SHROOM3: variants seen among roughly 807,000 people sequenced by gnomAD.
SHROOM3 encodes protein Shroom3.
SHROOM3 carries 47 observed loss-of-function variants against 138.6 expected under a neutral mutation model. That is an observed-to-expected ratio of 0.34 (90% CI 0.27 to 0.43). SHROOM3 has a LOEUF of 0.43. Ranked by LOEUF, SHROOM3 falls within the 20% of genes least tolerant of loss-of-function variation. SHROOM3 has a pLI of 1.00. For synonymous variants in SHROOM3, 1,062 were observed against 1,063.3 expected (o/e 1.00, Z 0.02); for missense variants, 2,491 against 2,596.5 (o/e 0.96, Z 0.88).
chr4:76,761,300 G>A (rs1721982432), intron 9 of SHROOM3, among the ~76,000 whole-genome samples: 1 of 152,096 alleles, frequency 6.6e-6, no homozygotes. Flanking sequence ...GAAGCATTAT[G>A]TGGCAAAAAG....
chr4:76,492,863 G>A (rs1731882766), intron 1 of SHROOM3, among the ~76,000 whole-genome samples: 1 of 152,156 alleles, frequency 6.6e-6, no homozygotes, highest in African/African-American at 2.4e-5. Context: ...GAAGCCTCTT[G>A]CTAGAGGAGT....
chr4:76,760,932 T>C (rs1482096441), intron 9 of SHROOM3, among the ~76,000 whole-genome samples: 1 of 152,212 alleles, frequency 6.6e-6, no homozygotes, highest in East Asian at 1.9e-4. Flanking sequence ...TTACACAATT[T>C]TTTTGTTATT....
At chr4:76,614,350 G>A (rs944989861) in intron 2 of SHROOM3, among the ~76,000 whole-genome samples, 3 of 152,034 alleles carry the variant, frequency 2.0e-5, no homozygotes, top group South Asian at 2.1e-4. Flanking sequence ...CACTGCGCCC[G>A]GTCCTAAATG....
At chr4:76,678,821 C>T (rs574802065) in intron 2 of SHROOM3, among the ~76,000 whole-genome samples, 6 of 152,046 alleles carry the variant, frequency 3.9e-5, no homozygotes, top group Non-Finnish European at 5.9e-5. Context: ...CCACCATGCC[C>T]GGCTAATTTT....
chr4:76,540,778 G>A (rs1158046350), intron 1 of SHROOM3, among the ~76,000 whole-genome samples: 2 of 152,024 alleles, frequency 1.3e-5, no homozygotes, highest in Non-Finnish European at 2.9e-5. Flanking sequence ...ATTTCTCCCA[G>A]ACCAGGAGTA....
intron 1 of SHROOM3, among the ~76,000 whole-genome samples, chr4:76,471,206 A>G (rs1731363151): frequency 6.6e-6 from 1 of 151,830 alleles, no homozygotes. Flanking sequence ...CTCTGAAGAT[A>G]GCTATTGCTT....
At chr4:76,500,916 C>T (rs1269585577) in intron 1 of SHROOM3, among the ~76,000 whole-genome samples, 1 of 152,150 alleles carries the variant, frequency 6.6e-6, no homozygotes, top group African/African-American at 2.4e-5. Flanking sequence ...AAGAGATCCT[C>T]CCACCTCAGC....
At chr4:76,653,506 A>G (rs555819200) in intron 2 of SHROOM3, among the ~76,000 whole-genome samples, 2 of 151,358 alleles carry the variant, frequency 1.3e-5, no homozygotes, top group Admixed American at 1.3e-4. Flanking sequence ...CATGTGGTAT[A>G]TGCAAAAAGC....
At chr4:76,543,883 G>A (rs1228818934) in intron 1 of SHROOM3, among the ~76,000 whole-genome samples, 2 of 152,216 alleles carry the variant, frequency 1.3e-5, no homozygotes, top group Admixed American at 1.3e-4. Flanking sequence ...CACTGTGTTT[G>A]TTAGCCATTT....
At position 76,741,574 on chromosome 4, in the gene SHROOM3, C is replaced by A; in HGVS notation, c.3401C>A (p.Ala1134Asp). The change falls in exon 5 of 11, where the codon GCC (alanine) becomes GAC (aspartate). Residue 1134 changes from alanine to aspartate, a missense_variant. Transcript: ENST00000296043. The surrounding 1 kb of genome is among the most constrained non-coding windows in gnomAD (Gnocchi z 6.2). ...GCGGCGCTCGAAGGCTCCGGCCTCG[C>A]CTCGGCCTCCAGCTTGAGCTCACTG... ...GPAALEGSGL[A>D]SASSLSSLRE... is the part of the protein sequence containing the mutation. 13 of 1,543,022 alleles carry A rather than the reference C, an allele frequency of 8.4e-6. No homozygotes were observed. The highest frequency in any genetic ancestry group is 8.7e-6 in the Non-Finnish European group (10 of 1,150,520).
At chr4:76,508,920 C>T (rs1732271201) in intron 1 of SHROOM3, among the ~76,000 whole-genome samples, 1 of 152,176 alleles carries the variant, frequency 6.6e-6, no homozygotes, top group Non-Finnish European at 1.5e-5. Flanking sequence ...AAAATGGCAC[C>T]TTGTTGCTTG....
At chr4:76,722,803 G>T (rs559347529) in intron 3 of SHROOM3, among the ~76,000 whole-genome samples, 11 of 151,862 alleles carry the variant, frequency 7.2e-5, no homozygotes, top group African/African-American at 1.9e-4. Context: ...TTCTTTTTTG[G>T]GGGATATGGG....
chr4:76,472,104 G>A (rs141899054), intron 1 of SHROOM3, among the ~76,000 whole-genome samples: 2,481 of 152,224 alleles, frequency 0.016, 35 homozygotes, highest in Middle Eastern at 0.034. Context: ...TGGTGAGCAT[G>A]CAATAAATAA....
chr4:76,500,964 AC>A (rs1310083228), intron 1 of SHROOM3, among the ~76,000 whole-genome samples: 1 of 151,880 alleles, frequency 6.6e-6, no homozygotes, highest in East Asian at 1.9e-4. Flanking sequence ...ACACCACCAC[AC>A]TTGGCTAATT....
intron 1 of SHROOM3, among the ~76,000 whole-genome samples, chr4:76,483,385 CAT>C (rs1411894921): frequency 3.3e-5 from 5 of 152,050 alleles, no homozygotes; most frequent in African/African-American, 9.7e-5. Flanking sequence ...GGCCAACAAA[CAT>C]ATGAAAAAAA....
chr4:76,668,922 T>C (rs1181877266), intron 2 of SHROOM3, among the ~76,000 whole-genome samples: 1 of 152,250 alleles, frequency 6.6e-6, no homozygotes, highest in African/African-American at 2.4e-5. Context: ...TTCTCTATTA[T>C]TTAATTTCCC....
intron 2 of SHROOM3, among the ~76,000 whole-genome samples, chr4:76,667,966 CAAAAAA>C (rs747974205): frequency 0.35 from 21,702 of 62,270 alleles, 2,762 homozygotes; most frequent in East Asian, 0.54. Context: ...GACTCCCTCT[CAAAAAA>C]AAAAAAAAAA....
intron 1 of SHROOM3, among the ~76,000 whole-genome samples, chr4:76,469,953 T>G (rs1170476856): frequency 2.0e-5 from 3 of 152,258 alleles, no homozygotes; most frequent in Non-Finnish European, 4.4e-5. Flanking sequence ...AAGTTCTACC[T>G]GGTATATCAG....
Position 76,724,720 on chromosome 4 carries a change from T to C in SHROOM3, c.456-6084T>C, listed in dbSNP as rs142149087. ...CATGTAATTCTGCATCTTTCCAGTG[T>C]AACAATATATTTGGAGATATTTCCA... is the stretch of plus-strand genomic sequence containing the variant. On this transcript the variant is annotated intron_variant, in intron 3 of 10. Coordinates refer to ENST00000296043, the MANE Select transcript of SHROOM3 (RefSeq NM_020859.4). Among the ~76,000 whole-genome samples the C allele has an allele frequency of 9.8e-3, 1,494 of 152,316 alleles. 15 individuals are homozygous for C. Among genetic ancestry groups the C allele is most frequent in the Non-Finnish European group, 0.013 (916 of 68,022 alleles).
Sources: allele counts gnomAD v4.1 joint callset (sites outside exome capture counted in the v4.1 genomes callset), GRCh38; gene constraint gnomAD v4.1.1; non-coding constraint Gnocchi (gnomAD v3.1); transcripts MANE v1.5; gene names NCBI Gene and HGNC (gene_info 2026-07-23, HGNC 2026-07-21).